Variants in LRRTM4 observed in about 807,000 individuals in gnomAD.
The protein encoded by LRRTM4 is leucine rich repeat transmembrane neuronal 4.
A neutral mutation model predicts 47.6 loss-of-function variants in LRRTM4; 25 were observed. The observed-to-expected ratio is 0.53, with a 90% CI of 0.38 to 0.73. LRRTM4 has a LOEUF of 0.73. Ranked by LOEUF, LRRTM4 falls within the 30% of genes least tolerant of loss-of-function variation. The pLI is 0.00. For missense variants in LRRTM4, 638 were observed against 713.4 expected, an observed-to-expected ratio of 0.89 and a Z score of 1.20; for synonymous variants, 311 against 269.5, an observed-to-expected ratio of 1.15 and a Z score of -1.51.
intron 3 of LRRTM4, among the ~76,000 whole-genome samples, chr2:77,218,929 G>A (rs959198779): frequency 9.9e-5 from 15 of 152,162 alleles, no homozygotes; most frequent in Admixed American, 9.2e-4. Context: ...GTAAAATGAG[G>A]TAGATGAAAA....
chr2:77,472,215 C>T (rs1677216425), intron 3 of LRRTM4, among the ~76,000 whole-genome samples: 1 of 152,104 alleles, frequency 6.6e-6, no homozygotes, highest in Non-Finnish European at 1.5e-5. Context: ...GAGAAGACTG[C>T]AATGTACCTG....
At chr2:77,336,403 A>C (rs1671171091) in intron 3 of LRRTM4, among the ~76,000 whole-genome samples, 1 of 152,132 alleles carries the variant, frequency 6.6e-6, no homozygotes, top group South Asian at 2.1e-4. Flanking sequence ...ATTTTTTACC[A>C]AAATTATAGT....
At chr2:76,919,624 T>C (rs1447164017) in intron 3 of LRRTM4, among the ~76,000 whole-genome samples, 2 of 152,162 alleles carry the variant, frequency 1.3e-5, no homozygotes, top group Non-Finnish European at 2.9e-5. Context: ...AGCCCTGACA[T>C]TTTTTAATTT....
intron 3 of LRRTM4, among the ~76,000 whole-genome samples, chr2:77,304,538 A>T (rs1309459727): frequency 6.6e-6 from 1 of 152,078 alleles, no homozygotes; most frequent in African/African-American, 2.4e-5. Flanking sequence ...CAGCTGGCAA[A>T]CCTGAAAAAA....
intron 3 of LRRTM4, among the ~76,000 whole-genome samples, chr2:76,814,510 A>G (rs1474619429): frequency 2.0e-5 from 3 of 152,110 alleles, no homozygotes; most frequent in African/African-American, 7.2e-5. Context: ...AATATTAAAA[A>G]AATAAATTAA....
intron 3 of LRRTM4, among the ~76,000 whole-genome samples, chr2:77,142,387 T>G (rs1359481983): frequency 6.6e-6 from 1 of 151,460 alleles, no homozygotes; most frequent in African/African-American, 2.4e-5. Flanking sequence ...GAAAACCTAA[T>G]GAGCCATTCA....
intron 3 of LRRTM4, among the ~76,000 whole-genome samples, chr2:76,962,102 G>A (rs1675879617): frequency 6.6e-6 from 1 of 151,188 alleles, no homozygotes; most frequent in African/African-American, 2.4e-5. Context: ...ATTTAAAGAT[G>A]ATAGAACTAA....
At chr2:77,277,902 C>T (rs1025504973) in intron 3 of LRRTM4, among the ~76,000 whole-genome samples, 2 of 151,976 alleles carry the variant, frequency 1.3e-5, no homozygotes, top group Middle Eastern at 3.4e-3. Flanking sequence ...TAATTCTTGC[C>T]CTTATTAGGT....
intron 3 of LRRTM4, among the ~76,000 whole-genome samples, chr2:77,305,674 G>T (rs1677251240): frequency 6.6e-6 from 1 of 151,954 alleles, no homozygotes; most frequent in South Asian, 2.1e-4. Flanking sequence ...TCGTTGCTTT[G>T]TTATACTACT....
intron 3 of LRRTM4, among the ~76,000 whole-genome samples, chr2:77,125,458 T>C (rs563491369): frequency 2.5e-4 from 38 of 152,200 alleles, no homozygotes; most frequent in Non-Finnish European, 4.4e-4. Context: ...CCACGCATTG[T>C]TGTTAGTCTC....
At chr2:76,852,606 T>C (rs1672030659) in intron 3 of LRRTM4, among the ~76,000 whole-genome samples, 1 of 152,186 alleles carries the variant, frequency 6.6e-6, no homozygotes, top group East Asian at 1.9e-4. Context: ...AAAGATTATT[T>C]TTCTTGCCAT....
At chr2:77,226,691 G>A (rs1426300935) in intron 3 of LRRTM4, among the ~76,000 whole-genome samples, 1 of 151,908 alleles carries the variant, frequency 6.6e-6, no homozygotes, top group African/African-American at 2.4e-5. Context: ...TGAAACGTTT[G>A]TTTTCAGGTG....
chr2:77,138,443 T>C (rs1672015562), intron 3 of LRRTM4, among the ~76,000 whole-genome samples: 1 of 152,116 alleles, frequency 6.6e-6, no homozygotes, highest in Non-Finnish European at 1.5e-5. Flanking sequence ...AGACACAACA[T>C]ACCAGAATCT....
At chr2:76,847,814 A>G (rs1311588904) in intron 3 of LRRTM4, among the ~76,000 whole-genome samples, 1 of 152,138 alleles carries the variant, frequency 6.6e-6, no homozygotes, top group Admixed American at 6.5e-5. Context: ...TGAATGTTTA[A>G]TAAAATTTTA....
At chr2:76,951,920 T>A (rs1282470534) in intron 3 of LRRTM4, among the ~76,000 whole-genome samples, 1 of 152,006 alleles carries the variant, frequency 6.6e-6, no homozygotes, top group African/African-American at 2.4e-5. Flanking sequence ...CTGAGAATGA[T>A]GTCTTCCAGC....
intron 3 of LRRTM4, among the ~76,000 whole-genome samples, chr2:76,979,923 T>A (rs950086941): frequency 6.6e-6 from 1 of 151,930 alleles, no homozygotes; most frequent in Non-Finnish European, 1.5e-5. Flanking sequence ...AACTCTCTGA[T>A]CCAAATTACC....
chr2:77,251,679 G>A (rs1232438569), intron 3 of LRRTM4, among the ~76,000 whole-genome samples: 1 of 152,116 alleles, frequency 6.6e-6, no homozygotes, highest in Non-Finnish European at 1.5e-5. Flanking sequence ...TAATAGCCAA[G>A]GCCATGGAAC....
intron 3 of LRRTM4, among the ~76,000 whole-genome samples, chr2:77,512,511 G>C (rs1295743237): frequency 2.6e-5 from 4 of 152,032 alleles, no homozygotes; most frequent in Non-Finnish European, 5.9e-5. Flanking sequence ...GCTTTTCACT[G>C]ATCAAAAGAC....
rs533236207 is a variant in LRRTM4 at position 77,521,798 on chromosome 2, G to A, written c.-127C>T. 4 of 869,684 alleles carry A rather than the reference G, an allele frequency of 4.6e-6. No individual in the cohort carries two copies. The highest frequency in any genetic ancestry group is 3.3e-5 in the South Asian group (2 of 61,160). 53.9% of individuals were successfully genotyped at this position (869,684 alleles called of 1,614,324 possible). A position where few individuals can be genotyped will look rare whatever the true frequency, so the allele number is the denominator to read the frequency against. On this transcript the variant is annotated 5_prime_UTR_variant, in exon 2 of 4. Transcript: ENST00000409884. ...TTCACACCATTCTGATCCCGCATGT[G>A]AGCTAGTAGCCCCATACAAACTTCC...
Sources: allele counts gnomAD v4.1 joint callset (sites outside exome capture counted in the v4.1 genomes callset), GRCh38; gene constraint gnomAD v4.1.1; transcripts MANE v1.5; gene names NCBI Gene and HGNC (gene_info 2026-07-23, HGNC 2026-07-21).